DCTN2: variants seen among roughly 807,000 people sequenced by gnomAD.
DCTN2 encodes the protein 50 kDa dynein-associated polypeptide.
In DCTN2, 18 loss-of-function variants were observed where a neutral mutation model predicts 55.4. That is an observed-to-expected ratio of 0.32 (90% CI 0.22 to 0.48). DCTN2 has a LOEUF of 0.48. Ranked by LOEUF, DCTN2 falls within the 20% of genes least tolerant of loss-of-function variation. The probability of loss-of-function intolerance (pLI) is 0.99; values close to 1 mark genes in which losing one functional copy is unlikely to be tolerated. For synonymous variants in DCTN2, 168 were observed against 185.2 expected (o/e 0.91, Z 0.76); for missense variants, 390 against 491.0 (o/e 0.79, Z 1.94).
At chr12:57,535,345 TC>T (rs1237468757) in intron 4 of DCTN2, 138 bp downstream of exon 4, 1 of 1,209,630 alleles carries the variant, frequency 8.3e-7, no homozygotes, top group Non-Finnish European at 1.2e-6. Flanking sequence ...GGGCAGAGTT[TC>T]CCTGGCTGCA....
At chr12:57,541,533 A>G (rs561641093) in intron 2 of DCTN2, among the ~76,000 whole-genome samples, 3 of 152,324 alleles carry the variant, frequency 2.0e-5, no homozygotes, top group Non-Finnish European at 4.4e-5. Context: ...AGTGTCCAGT[A>G]ATATCTACCT....
chr12:57,541,889 G>A (rs1409868904), intron 2 of DCTN2, among the ~76,000 whole-genome samples: 1 of 152,228 alleles, frequency 6.6e-6, no homozygotes, highest in African/African-American at 2.4e-5. Flanking sequence ...CCAGATTGAG[G>A]AGGAAAGGGC....
At chr12:57,536,985 T>C (rs1191014134) in intron 2 of DCTN2, among the ~76,000 whole-genome samples, 1 of 151,570 alleles carries the variant, frequency 6.6e-6, no homozygotes, top group Non-Finnish European at 1.5e-5. Context: ...GAATCACTTA[T>C]AATTTTTTTT....
chr12:57,541,308 C>A, intron 2 of DCTN2: 1 of 1,588,122 alleles, frequency 6.3e-7, no homozygotes, highest in African/African-American at 1.3e-5. Context: ...CAGAGCATTG[C>A]ATGCGAGATG....
chr12:57,535,117 T>C lies in DCTN2; in HGVS notation c.302A>G (p.Gln101Arg). 6.2e-7 allele frequency: 1 copy of C among 1,613,880 alleles called. No individual in the cohort carries two copies. Among genetic ancestry groups the C allele is most frequent in the Non-Finnish European group, 8.5e-7 (1 of 1,179,884 alleles). The change falls in exon 5 of 14, where the codon CAA (glutamine) becomes CGA (arginine). Residue 101 changes from glutamine to arginine, a missense_variant. This residue lies in a region of DCTN2 where 117 missense variants were observed against 187.8 expected (regional missense o/e 0.62). Transcript: ENST00000548249. ...EGLGVKETPQ[Q>R]KYQRLLHEVQ... is the part of the protein sequence containing the mutation. ...CTCATGCAGTAGGCGCTGGTACTTT[T>C]GCTGGGGTGTCTCCTTCACTCCCAG...
At chr12:57,539,087 G>A (rs911196743) in intron 2 of DCTN2, among the ~76,000 whole-genome samples, 2 of 152,226 alleles carry the variant, frequency 1.3e-5, no homozygotes, top group African/African-American at 4.8e-5. Context: ...CAGTCACAAT[G>A]AGAGTGATCA....
At chr12:57,531,502 G>A (rs1879705425) in intron 13 of DCTN2, among the ~76,000 whole-genome samples, 1 of 152,222 alleles carries the variant, frequency 6.6e-6, no homozygotes. Flanking sequence ...GGGCAACAGA[G>A]CGAGACTCTG....
chr12:57,536,098 C>G, intron 2 of DCTN2: 1 of 521,348 alleles, frequency 1.9e-6, no homozygotes, highest in Admixed American at 3.3e-5. Context: ...ACCTCCCCAC[C>G]CTCTCTGTAC....
At chr12:57,546,756 AACTC>A (rs1881199261) in intron 1 of DCTN2, among the ~76,000 whole-genome samples, 2 of 151,976 alleles carry the variant, frequency 1.3e-5, no homozygotes, top group African/African-American at 4.8e-5. Flanking sequence ...ATGGTGGAAA[AACTC>A]AGGCACAAGA....
chr12:57,536,464 A>G (rs1880240478), intron 2 of DCTN2, among the ~76,000 whole-genome samples: 1 of 152,230 alleles, frequency 6.6e-6, no homozygotes, highest in African/African-American at 2.4e-5. Context: ...GCAAGGGCTT[A>G]CTGGATTATC....
chr12:57,530,826 T>C, intron 13 of DCTN2, 51 bp from the exon 14 acceptor site: 3 of 1,438,442 alleles, frequency 2.1e-6, no homozygotes, highest in Non-Finnish European at 2.9e-6. Flanking sequence ...GTTGCTTAAC[T>C]GGATGAGGAC....
intron 2 of DCTN2, 74 bp downstream of exon 2, chr12:57,545,954 C>T (rs1881112948): frequency 1.3e-6 from 2 of 1,515,230 alleles, no homozygotes; most frequent in Middle Eastern, 1.8e-4. Flanking sequence ...TGTAGCTCCC[C>T]CGAGAAAGGG....
At chr12:57,545,930 T>A (rs1032328414) in intron 2 of DCTN2, 98 bp downstream of exon 2, 2 of 1,301,938 alleles carry the variant, frequency 1.5e-6, no homozygotes, top group Middle Eastern at 2.2e-4. Context: ...GGGGTTGGCA[T>A]ACCCGCTTAT....
intron 2 of DCTN2, among the ~76,000 whole-genome samples, chr12:57,536,421 T>C (rs1049523419): frequency 4.6e-5 from 7 of 152,152 alleles, no homozygotes; most frequent in African/African-American, 1.4e-4. Flanking sequence ...CAGGCTGCCA[T>C]GAGGCCAGCG....
At chr12:57,532,373 C>T in intron 11 of DCTN2, 58 bp from the exon 12 acceptor site, 1 of 1,451,106 alleles carries the variant, frequency 6.9e-7, no homozygotes, top group Non-Finnish European at 9.5e-7. Context: ...TCAGTATGTA[C>T]AGACTGCTAT....
rs1158206600 is a variant in DCTN2 at position 57,532,063 on chromosome 12, C to G, written c.1071G>C (p.Gln357His). The G allele has an allele frequency of 1.9e-6, 3 of 1,566,254 alleles. No homozygotes were observed. In the African/African-American group the frequency reaches 4.1e-5, roughly 21 times the overall value. The change falls in exon 13 of 14, where the codon CAG becomes CAC. Residue 357 changes from glutamine to histidine, a missense_variant. Coordinates refer to ENST00000548249, the MANE Select transcript of DCTN2 (RefSeq NM_001261413.2). ...CCTTCAAGGAATTAGCAATCATCTG[C>G]TGGGTGGTATCCAAGTGTGTCAGGA... Reference protein sequence around the residue: ...GQLLTHLDTTQQMIANSLKDN... With the variant: ...GQLLTHLDTTHQMIANSLKDN...
In DCTN2 at chr12:57,530,539, G is replaced by A. The variant is rs1594875144; in HGVS notation, c.*150C>T. 1 of 665,104 alleles carries A rather than the reference G, an allele frequency of 1.5e-6. No homozygotes were observed. The highest frequency in any genetic ancestry group is 2.6e-6 in the Non-Finnish European group (1 of 389,642). The allele number at this position is 665,104 out of a possible 1,614,324, so 41.2% of individuals were successfully genotyped here. A position where few individuals can be genotyped will look rare whatever the true frequency, so the allele number is the denominator to read the frequency against. On this transcript the variant is annotated 3_prime_UTR_variant, in exon 14 of 14. Transcript: ENST00000548249. ...CCACTCTGTATTCATCAGGGGAGGG[G>A]TATAAACCCCACATGCAAGAAGAAC... is the stretch of plus-strand genomic sequence containing the variant.
Position 57,531,990 on chromosome 12 carries a change from G to A in DCTN2, c.1119+25C>T, listed in dbSNP as rs755889140. On this transcript the variant is annotated intron_variant, in intron 13 of 13. Coordinates refer to ENST00000548249, the MANE Select transcript of DCTN2 (RefSeq NM_001261413.2). The stretch of plus-strand genomic sequence containing the variant: ...AGTTTGCACATGCTGGAGAAAGGAG[G>A]ACAGATCAACAAAGGGGCACACACC... 3.5e-5 allele frequency: 54 copies of A among 1,554,200 alleles called. No homozygotes were observed. In the East Asian group the frequency reaches 4.4e-4, roughly 13 times the overall value.
At chr12:57,532,453 C>A in intron 11 of DCTN2, 119 bp downstream of exon 11, 1 of 1,351,476 alleles carries the variant, frequency 7.4e-7, no homozygotes, top group Non-Finnish European at 1.1e-6. Flanking sequence ...AGCTGATAAG[C>A]TCTTCATAAG....
Sources: allele counts gnomAD v4.1 joint callset (sites outside exome capture counted in the v4.1 genomes callset), GRCh38; gene constraint gnomAD v4.1.1; regional missense constraint gnomAD v4.1.1; transcripts MANE v1.5; gene names NCBI Gene and HGNC (gene_info 2026-07-23, HGNC 2026-07-21).